CNTNAP5: variants seen among roughly 807,000 people sequenced by gnomAD.
CNTNAP5 encodes contactin associated protein family member 5.
Under a neutral mutation model 150.2 loss-of-function variants are expected in CNTNAP5, and 72 were observed. The ratio of observed to expected loss-of-function variants is 0.48; its 90% confidence interval spans 0.40 to 0.58. CNTNAP5 has a LOEUF of 0.58. Ranked by LOEUF, CNTNAP5 falls within the 20% of genes least tolerant of loss-of-function variation. CNTNAP5 has a pLI of 0.00. For synonymous variants in CNTNAP5, 672 were observed against 619.8 expected, an observed-to-expected ratio of 1.08 and a Z score of -1.25; for missense variants, 1,636 against 1,626.2, an observed-to-expected ratio of 1.01 and a Z score of -0.10.
chr2:124,308,603 T>A (rs1688747110), intron 3 of CNTNAP5, among the ~76,000 whole-genome samples: 1 of 152,200 alleles, frequency 6.6e-6, no homozygotes, highest in Non-Finnish European at 1.5e-5. Flanking sequence ...AATCAGTTTG[T>A]TTGAGTGATA....
At chr2:124,582,831 A>G (rs1399936662) in intron 11 of CNTNAP5, among the ~76,000 whole-genome samples, 1 of 151,808 alleles carries the variant, frequency 6.6e-6, no homozygotes, top group Non-Finnish European at 1.5e-5. Flanking sequence ...ACACAATTTT[A>G]TAACACTTTT....
At chr2:124,104,148 A>C (rs1285695951) in intron 1 of CNTNAP5, among the ~76,000 whole-genome samples, 1 of 151,184 alleles carries the variant, frequency 6.6e-6, no homozygotes, top group African/African-American at 2.4e-5. Flanking sequence ...TATACAACCA[A>C]ACTTCTTGAC....
chr2:124,499,746 G>T (rs1338772066), intron 7 of CNTNAP5, among the ~76,000 whole-genome samples: 1 of 152,126 alleles, frequency 6.6e-6, no homozygotes, highest in Non-Finnish European at 1.5e-5. Flanking sequence ...ATTTCTCATA[G>T]ATCTGTTTTC....
intron 23 of CNTNAP5, 36 bp from the exon 24 acceptor site, chr2:124,914,056 G>A (rs373186990): frequency 8.5e-6 from 13 of 1,526,152 alleles, no homozygotes; most frequent in East Asian, 2.3e-5. Context: ...GACTCATGAC[G>A]ATTTCCTTCT....
intron 12 of CNTNAP5, among the ~76,000 whole-genome samples, chr2:124,616,962 C>T (rs756446465): frequency 3.3e-4 from 50 of 152,004 alleles, no homozygotes; most frequent in Non-Finnish European, 8.8e-5. Flanking sequence ...GACCACTGAT[C>T]GCAGATCACC....
intron 19 of CNTNAP5, among the ~76,000 whole-genome samples, chr2:124,857,161 C>G (rs1677392358): frequency 1.3e-5 from 2 of 152,078 alleles, no homozygotes; most frequent in South Asian, 4.2e-4. Flanking sequence ...GTGAGCCTCC[C>G]CATAAGTACC....
At chr2:124,728,928 G>GTGAATTTCCAAATA (rs1680214684) in intron 13 of CNTNAP5, among the ~76,000 whole-genome samples, 1 of 135,414 alleles carries the variant, frequency 7.4e-6, no homozygotes, top group African/African-American at 2.5e-5. Flanking sequence ...ATTTCCAAAT[G>GTGAATTTCCAAATA]TGAATTTCCA....
At chr2:124,594,390 G>A (rs369057971) in intron 11 of CNTNAP5, among the ~76,000 whole-genome samples, 2 of 152,036 alleles carry the variant, frequency 1.3e-5, no homozygotes, top group African/African-American at 2.4e-5. Flanking sequence ...TTATTAAATA[G>A]GGAATCCTTT....
At chr2:124,092,658 T>C (rs1573748020) in intron 1 of CNTNAP5, among the ~76,000 whole-genome samples, 1 of 152,154 alleles carries the variant, frequency 6.6e-6, no homozygotes, top group East Asian at 1.9e-4. Flanking sequence ...CACTTGCCAA[T>C]TGTAGGAAGT....
intron 3 of CNTNAP5, among the ~76,000 whole-genome samples, chr2:124,261,230 C>T (rs867080512): frequency 6.6e-6 from 1 of 152,116 alleles, no homozygotes; most frequent in Non-Finnish European, 1.5e-5. Flanking sequence ...TGTGTTGGGA[C>T]TCATTTAAAT....
At chr2:124,679,552 C>A (rs529988967) in intron 13 of CNTNAP5, among the ~76,000 whole-genome samples, 1 of 151,630 alleles carries the variant, frequency 6.6e-6, no homozygotes, top group East Asian at 1.9e-4. Flanking sequence ...ACCCAAAATG[C>A]TGGCTAATTG....
chr2:124,359,555 G>A (rs1177404088), intron 3 of CNTNAP5, among the ~76,000 whole-genome samples: 4 of 144,718 alleles, frequency 2.8e-5, no homozygotes, highest in Non-Finnish European at 4.6e-5. Context: ...CCTTCATTTC[G>A]TTATGTACCC....
At chr2:124,830,263 T>C (rs1682685481) in intron 19 of CNTNAP5, among the ~76,000 whole-genome samples, 1 of 152,020 alleles carries the variant, frequency 6.6e-6, no homozygotes, top group African/African-American at 2.4e-5. Flanking sequence ...TATAAAATAA[T>C]AATTATTCAT....
At chr2:124,424,591 A>G (rs1692195233) in intron 4 of CNTNAP5, among the ~76,000 whole-genome samples, 1 of 152,220 alleles carries the variant, frequency 6.6e-6, no homozygotes, top group African/African-American at 2.4e-5. Flanking sequence ...AGACAAATGT[A>G]CACACATACA....
intron 11 of CNTNAP5, among the ~76,000 whole-genome samples, chr2:124,602,209 G>A (rs981432109): frequency 6.6e-6 from 1 of 151,814 alleles, no homozygotes. Context: ...GGGCATAGTG[G>A]CATGTGCCTG....
At chr2:124,112,952 A>T (rs1207702061) in intron 1 of CNTNAP5, among the ~76,000 whole-genome samples, 6 of 152,194 alleles carry the variant, frequency 3.9e-5, no homozygotes, top group Non-Finnish European at 7.4e-5. Flanking sequence ...AAACCAAAAT[A>T]AGATTTCATA....
intron 1 of CNTNAP5, among the ~76,000 whole-genome samples, chr2:124,068,115 T>C (rs1204583134): frequency 1.5e-5 from 2 of 131,514 alleles, no homozygotes; most frequent in Non-Finnish European, 3.2e-5. Flanking sequence ...CAAACGCACA[T>C]TTACAAGAAC....
intron 6 of CNTNAP5, among the ~76,000 whole-genome samples, chr2:124,467,730 C>G (rs1007636812): frequency 6.6e-6 from 1 of 152,048 alleles, no homozygotes; most frequent in African/African-American, 2.4e-5. Flanking sequence ...ATTATAACTT[C>G]CAATTCTCAA....
intron 22 of CNTNAP5, among the ~76,000 whole-genome samples, chr2:124,910,109 G>T (rs776696606): frequency 4.6e-5 from 7 of 151,584 alleles, no homozygotes; most frequent in Non-Finnish European, 8.8e-5. Context: ...GCCACCCCTG[G>T]ACACCACAAA....
Sources: gnomAD v4.1 joint callset for allele counts (sites outside exome capture counted in the v4.1 genomes callset) on GRCh38, gnomAD v4.1.1 for gene constraint, MANE v1.5 for transcripts, NCBI Gene and HGNC (gene_info 2026-07-23, HGNC 2026-07-21) for gene names.